Variants in PKIB observed in about 807,000 individuals in gnomAD.
PKIB encodes PKI-beta.
A neutral mutation model predicts 4.5 loss-of-function variants in PKIB; 2 were observed. The observed-to-expected ratio is 0.44, with a 90% CI of 0.18 to 1.39. PKIB has a LOEUF of 1.39. Among genes scored for constraint, PKIB ranks in the 40% most tolerant of loss-of-function variants. The probability of loss-of-function intolerance (pLI) is 0.27; values close to 1 mark genes in which losing one functional copy is unlikely to be tolerated. For missense variants in PKIB, 94 were observed against 92.6 expected (o/e 1.02, Z -0.06); for synonymous variants, 38 against 36.0 (o/e 1.06, Z -0.20).
At chr6:122,698,639 G>C (rs1434133704) in intron 3 of PKIB, among the ~76,000 whole-genome samples, 20 of 152,178 alleles carry the variant, frequency 1.3e-4, no homozygotes, top group Non-Finnish European at 2.9e-5. Context: ...TGAGGTCGCT[G>C]AAGCCTCTGA....
At chr6:122,561,992 T>TG (rs1773030248) in intron 2 of PKIB, among the ~76,000 whole-genome samples, 1 of 118,942 alleles carries the variant, frequency 8.4e-6, no homozygotes, top group Admixed American at 8.6e-5. Context: ...TTGTTTGTTT[T>TG]TGTTTTTTTT....
At chr6:122,539,308 G>T (rs1378739778) in intron 2 of PKIB, among the ~76,000 whole-genome samples, 2 of 152,014 alleles carry the variant, frequency 1.3e-5, no homozygotes, top group Non-Finnish European at 2.9e-5. Flanking sequence ...GTATGATATT[G>T]GCTGTGGGTT....
intron 2 of PKIB, among the ~76,000 whole-genome samples, chr6:122,539,886 A>C (rs1362468553): frequency 1.3e-5 from 2 of 152,032 alleles, no homozygotes; most frequent in Non-Finnish European, 2.9e-5. Flanking sequence ...TCAGAGATTC[A>C]ACTTCTTCCT....
chr6:122,612,885 T>A (rs1582737588), intron 1 of PKIB, among the ~76,000 whole-genome samples: 1 of 152,240 alleles, frequency 6.6e-6, no homozygotes, highest in East Asian at 1.9e-4. Context: ...TTTGTAGAAG[T>A]TATATATATA....
At chr6:122,610,395 C>T (rs1774699877), upstream of PKIB, 1 of 152,228 alleles carries the variant, frequency 6.6e-6, no homozygotes, top group Admixed American at 6.5e-5. Context: ...GCGCCCCAGC[C>T]CAGTAGCTCA....
chr6:122,717,583 T>A, intron 3 of PKIB: 1 of 520,220 alleles, frequency 1.9e-6, no homozygotes, highest in Non-Finnish European at 3.4e-6. Context: ...GCAATCTGGC[T>A]CACACTGAGG....
intron 3 of PKIB, among the ~76,000 whole-genome samples, chr6:122,600,020 T>TATAG (rs1562265180): frequency 1.5e-5 from 1 of 68,280 alleles, no homozygotes; most frequent in Non-Finnish European, 3.4e-5. Context: ...TATATCTATA[T>TATAG]CTATATCTAT....
chr6:122,601,860 C>A (rs369768705), intron 3 of PKIB, among the ~76,000 whole-genome samples: 3 of 152,052 alleles, frequency 2.0e-5, no homozygotes, highest in Admixed American at 1.3e-4. Flanking sequence ...CTGGGGGAGT[C>A]AAAAGTTATA....
chr6:122,569,893 G>T (rs375928849), intron 2 of PKIB, among the ~76,000 whole-genome samples: 1 of 152,192 alleles, frequency 6.6e-6, no homozygotes, highest in Non-Finnish European at 1.5e-5. Context: ...CACAATTACA[G>T]TGCTGCTCTG....
intron 2 of PKIB, among the ~76,000 whole-genome samples, chr6:122,576,592 C>T (rs527676268): frequency 7.2e-6 from 1 of 138,672 alleles, no homozygotes. Flanking sequence ...GGCGTGAACC[C>T]GGGAGGAGGT....
At chr6:122,590,091 G>T (rs1773971554) in intron 3 of PKIB, among the ~76,000 whole-genome samples, 1 of 152,122 alleles carries the variant, frequency 6.6e-6, no homozygotes, top group African/African-American at 2.4e-5. Context: ...TGGGAAAACG[G>T]TAAAGTATTC....
intron 2 of PKIB, among the ~76,000 whole-genome samples, chr6:122,558,516 G>GA (rs1283636256): frequency 1.3e-5 from 2 of 152,110 alleles, no homozygotes; most frequent in South Asian, 2.1e-4. Flanking sequence ...AAGTCTATAA[G>GA]AAAAAATGGG....
At chr6:122,695,718 T>A (rs1198666933) in intron 3 of PKIB, among the ~76,000 whole-genome samples, 1 of 152,076 alleles carries the variant, frequency 6.6e-6, no homozygotes, top group Non-Finnish European at 1.5e-5. Flanking sequence ...GAAAAGGCAA[T>A]ATAATGAAAT....
intron 4 of PKIB, among the ~76,000 whole-genome samples, chr6:122,721,909 G>T (rs1442531706): frequency 1.3e-5 from 2 of 152,066 alleles, no homozygotes; most frequent in East Asian, 3.9e-4. Context: ...TTTCCCAAGA[G>T]TTCTTATTAT....
At chr6:122,652,656 C>G (rs1356837016) in intron 2 of PKIB, 1 of 152,144 alleles carries the variant, frequency 6.6e-6, no homozygotes, top group Non-Finnish European at 1.5e-5. Context: ...AGTAGTTTAA[C>G]TTTGCTCTGG....
intron 1 of PKIB, among the ~76,000 whole-genome samples, chr6:122,474,234 A>AT (rs1779937958): frequency 6.6e-6 from 1 of 152,162 alleles, no homozygotes; most frequent in East Asian, 1.9e-4. Context: ...TGGAATATTG[A>AT]TTTTTTTGAG....
intron 2 of PKIB, among the ~76,000 whole-genome samples, chr6:122,510,184 A>AT (rs376747933): frequency 7.2e-5 from 11 of 151,988 alleles, no homozygotes; most frequent in African/African-American, 2.4e-4. Flanking sequence ...GGTTTTTTGA[A>AT]TTTTTTTCAG....
chr6:122,482,363 T>G (rs1373589712), intron 2 of PKIB: 1 of 152,186 alleles, frequency 6.6e-6, no homozygotes, highest in African/African-American at 2.4e-5. Flanking sequence ...GTGGGTTAAT[T>G]TAATAGGCTC....
intron 2 of PKIB, among the ~76,000 whole-genome samples, chr6:122,520,188 C>T (rs111779654): frequency 2.0e-5 from 3 of 152,196 alleles, no homozygotes; most frequent in African/African-American, 7.2e-5. Flanking sequence ...TTGAAATTAT[C>T]AGCATATTGG....
Sources: allele counts gnomAD v4.1 joint callset (sites outside exome capture counted in the v4.1 genomes callset), GRCh38; gene constraint gnomAD v4.1.1; transcripts MANE v1.5; gene names NCBI Gene and HGNC (gene_info 2026-07-23, HGNC 2026-07-21).